Variants in C12orf42 observed in about 807,000 individuals in gnomAD.
The protein encoded by C12orf42 is chromosome 12 open reading frame 42, also known as uncharacterized protein C12orf42.
In C12orf42, 25 loss-of-function variants were observed where a neutral mutation model predicts 21.6. The ratio of observed to expected loss-of-function variants is 1.16; its 90% confidence interval spans 0.84 to 1.62. The LOEUF is 1.62. Among genes scored for constraint, C12orf42 ranks in the 40% most tolerant of loss-of-function variants. The pLI, the probability that C12orf42 is intolerant of heterozygous loss-of-function variation, is 0.00. For missense variants in C12orf42, 483 were observed against 459.3 expected (o/e 1.05, Z -0.47); for synonymous variants, 174 against 175.0 (o/e 0.99, Z 0.05).
chr12:103,551,162 C>T, the C12orf42 span, among the ~76,000 whole-genome samples: 1 of 152,006 alleles, frequency 6.6e-6, no homozygotes, highest in African/African-American at 2.4e-5. Context: ...GCTTGTTTCT[C>T]CACTTCTTTT....
intron 4 of C12orf42, among the ~76,000 whole-genome samples, chr12:103,290,849 G>A (rs1304808075): frequency 6.6e-6 from 1 of 151,902 alleles, no homozygotes; most frequent in Non-Finnish European, 1.5e-5. Context: ...ATACAAAGTG[G>A]AATAATGAAT....
chr12:103,138,996 T>C, the C12orf42 span, among the ~76,000 whole-genome samples: 1 of 152,228 alleles, frequency 6.6e-6, no homozygotes, highest in Admixed American at 6.5e-5. Context: ...TATAAGTTTA[T>C]CTGGTAGATT....
intron 2 of C12orf42, among the ~76,000 whole-genome samples, chr12:103,422,035 T>A (rs2049961841): frequency 1.3e-5 from 2 of 152,158 alleles, no homozygotes; most frequent in African/African-American, 4.8e-5. Flanking sequence ...TTGATTAGAG[T>A]CAGTATTGAA....
the C12orf42 span, among the ~76,000 whole-genome samples, chr12:103,109,934 C>T: frequency 0.011 from 1,667 of 152,072 alleles, 9 homozygotes; most frequent in South Asian, 0.019. Context: ...TATCAAAAAA[C>T]GTCAATAGTA....
intron 4 of C12orf42, among the ~76,000 whole-genome samples, chr12:103,280,436 G>A (rs1197800659): frequency 5.3e-5 from 8 of 152,148 alleles, no homozygotes; most frequent in South Asian, 2.1e-4. Flanking sequence ...TGGCCAACAT[G>A]GCGAAACCCC....
At chr12:103,515,652 T>C in the C12orf42 span, among the ~76,000 whole-genome samples, 1 of 152,112 alleles carries the variant, frequency 6.6e-6, no homozygotes, top group Non-Finnish European at 1.5e-5. Flanking sequence ...AAGGGGTGGT[T>C]CCAAAAAAAT....
chr12:103,281,961 AAG>A (rs746853228), intron 4 of C12orf42, among the ~76,000 whole-genome samples: 22 of 147,074 alleles, frequency 1.5e-4, no homozygotes, highest in African/African-American at 5.3e-4. Flanking sequence ...GAAAGAAAGA[AAG>A]AGATCGATCC....
the C12orf42 span, among the ~76,000 whole-genome samples, chr12:103,188,267 GTTTC>G: frequency 2.7e-4 from 41 of 152,014 alleles, no homozygotes; most frequent in Middle Eastern, 3.4e-3. Context: ...TGTCTAACAT[GTTTC>G]TTTCTTTCTT....
intron 4 of C12orf42, among the ~76,000 whole-genome samples, chr12:103,364,828 G>A (rs1463122042): frequency 6.6e-6 from 1 of 151,974 alleles, no homozygotes; most frequent in Non-Finnish European, 1.5e-5. Flanking sequence ...CAGCGAGATT[G>A]AAATTATATT....
intron 3 of C12orf42, chr12:103,397,857 G>C (rs1335000933): frequency 6.6e-6 from 1 of 152,102 alleles, no homozygotes; most frequent in African/African-American, 2.4e-5. Context: ...CATTACCAGA[G>C]TATGGTGACT....
At chr12:103,330,888 G>T (rs12230008) in intron 4 of C12orf42, among the ~76,000 whole-genome samples, 11,345 of 152,134 alleles carry the variant, frequency 0.075, 434 homozygotes, top group East Asian at 0.19. Context: ...ACCTGATAAG[G>T]CAAATGAAAT....
chr12:103,468,145 A>G (rs1375554161), intron 2 of C12orf42, among the ~76,000 whole-genome samples: 1 of 152,240 alleles, frequency 6.6e-6, no homozygotes, highest in African/African-American at 2.4e-5. Flanking sequence ...CTAATTGATC[A>G]TGTAAATTCA....
chr12:103,427,004 A>G (rs1329030393), intron 2 of C12orf42, among the ~76,000 whole-genome samples: 2 of 152,218 alleles, frequency 1.3e-5, no homozygotes, highest in South Asian at 2.1e-4. Flanking sequence ...CTGCAAAAAC[A>G]TACCAAACTG....
At chr12:103,512,042 G>T in the C12orf42 span, among the ~76,000 whole-genome samples, 1 of 152,084 alleles carries the variant, frequency 6.6e-6, no homozygotes, top group Admixed American at 6.6e-5. Context: ...TTGCTCCTTG[G>T]GAGTCTTGGT....
At chr12:103,183,941 AGTT>A in the C12orf42 span, among the ~76,000 whole-genome samples, 1 of 152,014 alleles carries the variant, frequency 6.6e-6, no homozygotes, top group Non-Finnish European at 1.5e-5. Flanking sequence ...CTATATTACA[AGTT>A]TTTGTTTAAT....
chr12:103,351,485 A>T (rs1447184513), intron 4 of C12orf42, among the ~76,000 whole-genome samples: 6 of 152,010 alleles, frequency 3.9e-5, no homozygotes, highest in African/African-American at 1.2e-4. Flanking sequence ...TTTGGCTGAA[A>T]TTTTTCTTTT....
intron 4 of C12orf42, among the ~76,000 whole-genome samples, chr12:103,327,857 T>G (rs1217377458): frequency 6.6e-6 from 1 of 152,060 alleles, no homozygotes; most frequent in Admixed American, 6.5e-5. Flanking sequence ...TGGGAAAGAG[T>G]AAGAACAGAC....
chr12:103,074,794 T>C, the C12orf42 span, among the ~76,000 whole-genome samples: 1 of 152,156 alleles, frequency 6.6e-6, no homozygotes, highest in Non-Finnish European at 1.5e-5. Context: ...TGAGATAGAT[T>C]GAACATTCAC....
chr12:103,344,326 G>A (rs1188391457), intron 4 of C12orf42, among the ~76,000 whole-genome samples: 1 of 152,208 alleles, frequency 6.6e-6, no homozygotes, highest in Non-Finnish European at 1.5e-5. Flanking sequence ...GTGGATGACA[G>A]AGGAGGGGTA....
Sources: allele counts gnomAD v4.1 joint callset (sites outside exome capture counted in the v4.1 genomes callset), GRCh38; gene constraint gnomAD v4.1.1; transcripts MANE v1.5; gene names NCBI Gene and HGNC (gene_info 2026-07-23, HGNC 2026-07-21).